The following DMD variants were observed in gnomAD, a reference collection of about 807,000 sequenced individuals.
DMD encodes mutant dystrophin.
A neutral mutation model predicts 330.1 loss-of-function variants in DMD; 63 were observed. That is an observed-to-expected ratio of 0.19 (90% CI 0.16 to 0.24). The LOEUF is 0.24. Ranked by LOEUF, DMD falls within the 10% of genes least tolerant of loss-of-function variation. DMD has a pLI of 1.00. For synonymous variants in DMD, 1,223 were observed against 959.8 expected, an observed-to-expected ratio of 1.27 and a Z score of -5.07; for missense variants, 3,344 against 2,684.1, an observed-to-expected ratio of 1.25 and a Z score of -5.43.
chrX:33,045,228 A>G (rs769107392), intron 1 of DMD, among the ~76,000 whole-genome samples: 2 of 110,018 alleles, frequency 1.8e-5, no homozygotes, highest in African/African-American at 3.3e-5. Context: ...GTTGCCTGTG[A>G]TAACAATTCA....
intron 44 of DMD, among the ~76,000 whole-genome samples, chrX:32,183,604 A>C (rs965776851): frequency 1.0e-4 from 11 of 105,025 alleles, no homozygotes; most frequent in African/African-American, 3.4e-4. Context: ...GTATACATAG[A>C]GAGAATCTAA....
intron 9 of DMD, among the ~76,000 whole-genome samples, chrX:32,647,396 A>G (rs2059850253): frequency 8.9e-6 from 1 of 111,820 alleles, no homozygotes; most frequent in East Asian, 2.8e-4. Context: ...TCTATAACTG[A>G]GTAAACAAGG....
chrX:31,756,989 C>CT (rs72154168), intron 51 of DMD, among the ~76,000 whole-genome samples: 14,475 of 102,017 alleles, frequency 0.14, 733 homozygotes, highest in East Asian at 0.2. Context: ...GTTTGTTTTG[C>CT]TTTTTTTTTT....
At chrX:32,740,125 G>C (rs184506450) in intron 7 of DMD, among the ~76,000 whole-genome samples, 1 of 108,589 alleles carries the variant, frequency 9.2e-6, no homozygotes. Context: ...ACGGGTTATC[G>C]TGTGCTTTCA....
chrX:31,136,598 T>C (rs1034855966), intron 76 of DMD, among the ~76,000 whole-genome samples: 7 of 112,298 alleles, frequency 6.2e-5, no homozygotes, highest in Non-Finnish European at 1.3e-4. Context: ...ACGACGCTCA[T>C]GAACATCGAT....
intron 7 of DMD, among the ~76,000 whole-genome samples, chrX:32,799,659 A>G (rs1486822764): frequency 1.9e-5 from 2 of 108,039 alleles, no homozygotes; most frequent in African/African-American, 3.4e-5. Flanking sequence ...AACAATGTAT[A>G]TGAAACCCAC....
chrX:31,377,857 AC>A (rs1375637612), intron 60 of DMD, among the ~76,000 whole-genome samples: 5 of 111,292 alleles, frequency 4.5e-5, no homozygotes, highest in African/African-American at 1.3e-4. Context: ...ATGACATTCC[AC>A]CACAAAAGAA....
chrX:31,813,920 G>A (rs1394035847), intron 50 of DMD, among the ~76,000 whole-genome samples: 5 of 111,599 alleles, frequency 4.5e-5, no homozygotes, highest in Non-Finnish European at 7.5e-5. Flanking sequence ...TGTCACTGGA[G>A]CACAGCCATG....
At position 32,608,490 on chromosome X, in the gene DMD, G is replaced by A. The variant is rs773120511; in HGVS notation, c.1482+5813C>T. ...TATGGGAATGCAACAGAGATAGAAGGAAAAAAGGAAAGTCAGAGATTGAAG... is the reference window on the plus strand; with the variant it reads ...TATGGGAATGCAACAGAGATAGAAGAAAAAAAGGAAAGTCAGAGATTGAAG... On this transcript the variant is annotated intron_variant, in intron 12 of 78. Coordinates refer to ENST00000357033, the MANE Select transcript of DMD (RefSeq NM_004006.3). Among the ~76,000 whole-genome samples the A allele has an allele frequency of 5.4e-5, 6 of 110,173 alleles. No individual in the cohort carries two copies. The Admixed American group carries it at 5.8e-4, about 11-fold the overall frequency.
intron 43 of DMD, among the ~76,000 whole-genome samples, chrX:32,243,466 G>A (rs2097217214): frequency 8.9e-6 from 1 of 111,844 alleles, no homozygotes; most frequent in African/African-American, 3.2e-5. Context: ...CTAACAATCA[G>A]ATCCCCTGAG....
chrX:32,816,645 A>G lies in DMD; in HGVS notation c.358-5T>C. On this transcript the variant is annotated splice_polypyrimidine_tract_variant and splice_region_variant and intron_variant, in intron 5 of 78. Transcript: ENST00000357033. ...ATTTTTCATTACATTTTTGACCTAC[A>G]TGTGGAAATAAATTTTCATAAGAAA... The G allele has an allele frequency of 8.3e-7, 1 of 1,209,113 alleles. No homozygotes were observed. Among genetic ancestry groups the G allele is most frequent in the Non-Finnish European group, 1.1e-6 (1 of 893,045 alleles).
At chrX:32,574,936 C>T (rs1470390899) in intron 13 of DMD, among the ~76,000 whole-genome samples, 1 of 107,387 alleles carries the variant, frequency 9.3e-6, no homozygotes, top group African/African-American at 3.4e-5. Flanking sequence ...TTGCTCCTGT[C>T]ACCCAGGCTG....
chrX:32,024,378 C>T (rs1186303913), intron 44 of DMD, among the ~76,000 whole-genome samples: 1 of 106,588 alleles, frequency 9.4e-6, no homozygotes, highest in Non-Finnish European at 1.9e-5. Flanking sequence ...CCAGGTACTT[C>T]GGAGGCTGAG....
rs953299295 is a variant in DMD at position 31,731,237 on chromosome X, G to A, written c.7543-1489C>T. ...ACTTTTATGGTTTCTTTACACAACA[G>A]AGTGTTTGAAATATGGAACAAATTG... On this transcript the variant is annotated intron_variant, in intron 51 of 78. Coordinates refer to ENST00000357033, the MANE Select transcript of DMD (RefSeq NM_004006.3). 1.2e-4 allele frequency among the ~76,000 whole-genome samples: 13 copies of A among 111,997 alleles called. No individual in the cohort carries two copies. The Admixed American group carries it at 1.2e-3, about 11-fold the overall frequency.
At chrX:32,754,414 C>T (rs888381319) in intron 7 of DMD, among the ~76,000 whole-genome samples, 21 of 110,359 alleles carry the variant, frequency 1.9e-4, no homozygotes. Context: ...ATTCTATATA[C>T]AGAGCTCACT....
chrX:33,211,572 C>G (rs908132771), upstream of DMD: 18 of 1,006,928 alleles, frequency 1.8e-5, no homozygotes, highest in Non-Finnish European at 2.1e-5. Context: ...TAGAGGCCCC[C>G]GGATATTTCA....
intron 65 of DMD, among the ~76,000 whole-genome samples, chrX:31,208,715 C>T (rs754624218): frequency 5.4e-5 from 6 of 111,597 alleles, no homozygotes; most frequent in Non-Finnish European, 1.1e-4. Context: ...AGAAAACCTT[C>T]CCAGATTTCC....
chrX:31,791,505 A>G (rs929611059), intron 50 of DMD, among the ~76,000 whole-genome samples: 1 of 111,242 alleles, frequency 9.0e-6, no homozygotes, highest in African/African-American at 3.3e-5. Flanking sequence ...TGATACTGGT[A>G]GGATAGGGAT....
chrX:31,231,686 T>C (rs7056481), intron 63 of DMD, among the ~76,000 whole-genome samples: 38,910 of 111,311 alleles, frequency 0.35, 6,437 homozygotes, highest in African/African-American at 0.67. Context: ...CGAGACCACC[T>C]GGGCCAACAT....
Sources: allele counts gnomAD v4.1 joint callset (sites outside exome capture counted in the v4.1 genomes callset), GRCh38; gene constraint gnomAD v4.1.1; transcripts MANE v1.5; gene names NCBI Gene and HGNC (gene_info 2026-07-23, HGNC 2026-07-21).